The following HEATR4 variants were observed in gnomAD, a reference collection of about 807,000 sequenced individuals.
HEATR4 encodes the protein HEAT repeat containing 4, also known as HEAT repeat-containing protein 4.
HEATR4 carries 95 observed loss-of-function variants against 108.8 expected under a neutral mutation model. That is an observed-to-expected ratio of 0.87 (90% CI 0.74 to 1.04). The LOEUF (loss-of-function observed/expected upper bound fraction) is 1.04, where lower values mean the gene tolerates loss of function less well. Ranked by LOEUF, HEATR4 falls within the 50% of genes least tolerant of loss-of-function variation. The pLI is 0.00. For synonymous variants in HEATR4, 443 were observed against 459.4 expected (o/e 0.96, Z 0.46); for missense variants, 1,152 against 1,253.8 (o/e 0.92, Z 1.23).
At chr14:73,570,654 T>C in the HEATR4 span, among the ~76,000 whole-genome samples, 1 of 151,966 alleles carries the variant, frequency 6.6e-6, no homozygotes, top group Admixed American at 6.6e-5. Flanking sequence ...CCTGTAATCC[T>C]AGCGCTTTGG....
Position 73,495,349 on chromosome 14 carries a change from T to C in HEATR4, c.2664A>G (p.Lys888=), listed in dbSNP as rs772327849. ...TLSQKDLLTH[K]ILKLEMVMGK... is the part of the protein sequence containing the mutation. ...CCATGACCATCTCCAGCTTGAGTAT[T>C]TTGTGTGTCAGCAAGTCCTTTTGGC... Residue 888 remains lysine, a synonymous_variant, in exon 16 of 18, where the codon AAA becomes AAG. Transcript: ENST00000553558. 1.9e-6 allele frequency: 3 copies of C among 1,614,052 alleles called. No homozygotes were observed. Among genetic ancestry groups the C allele is most frequent in the Non-Finnish European group, 1.7e-6 (2 of 1,179,958 alleles).
At chr14:73,499,685 ATG>A (rs1886321243) in intron 12 of HEATR4, among the ~76,000 whole-genome samples, 3 of 152,142 alleles carry the variant, frequency 2.0e-5, no homozygotes, top group African/African-American at 7.2e-5. Context: ...CTGGGGCCAT[ATG>A]GCTTCTCTTG....
intron 9 of HEATR4, among the ~76,000 whole-genome samples, chr14:73,506,804 GTT>G (rs34660727): frequency 0.039 from 3,143 of 80,438 alleles, 111 homozygotes; most frequent in Non-Finnish European, 0.05. Context: ...GACTTTAACT[GTT>G]TTTTTTTTTT....
intron 2 of HEATR4, among the ~76,000 whole-genome samples, chr14:73,526,935 G>A (rs1189014881): frequency 6.6e-6 from 1 of 152,180 alleles, no homozygotes; most frequent in Non-Finnish European, 1.5e-5. Flanking sequence ...ACAGCCCAGT[G>A]GGGAGAGAGA....
At chr14:73,598,367 G>C in the HEATR4 span, among the ~76,000 whole-genome samples, 1 of 150,414 alleles carries the variant, frequency 6.6e-6, no homozygotes, top group African/African-American at 2.4e-5. Context: ...TCCAGCCTGG[G>C]CGACAGAGCA....
chr14:73,593,812 T>G, the HEATR4 span: 1 of 1,073,120 alleles, frequency 9.3e-7, no homozygotes, highest in Non-Finnish European at 1.4e-6. Flanking sequence ...GGCTCTAGCT[T>G]ATTATAACTT....
intron 9 of HEATR4, 28 bp from the exon 10 acceptor site, chr14:73,506,599 A>G (rs1165397595): frequency 4.0e-6 from 6 of 1,513,222 alleles, no homozygotes; most frequent in Non-Finnish European, 5.5e-6. Context: ...TTGTATGGAT[A>G]TTCACAATCA....
Position 73,523,468 on chromosome 14 carries a change from C to G in HEATR4, c.-72-244G>C, listed in dbSNP as rs1340250135. On this transcript the variant is annotated intron_variant, in intron 2 of 17. Coordinates refer to ENST00000553558, the MANE Select transcript of HEATR4 (RefSeq NM_001220484.1). ...ACCCTCATCTCCGTGTGAGGGATGA[C>G]TGCTTTTCAGCAGTATCCCATGCTT... Among the ~76,000 whole-genome samples, 3 of 152,366 alleles carry G rather than the reference C, an allele frequency of 2.0e-5. No individual in the cohort carries two copies. In the East Asian group the frequency reaches 5.8e-4, roughly 29 times the overall value.
the HEATR4 span, chr14:73,619,763 A>ATGCCTGGCATCTATT: frequency 1.1e-5 from 18 of 1,610,772 alleles, no homozygotes; most frequent in African/African-American, 2.3e-4. Context: ...GCACAGGTAG[A>ATGCCTGGCATCTATT]TGCCTGGCAG....
At chr14:73,618,672 G>A in the HEATR4 span, among the ~76,000 whole-genome samples, 13 of 152,272 alleles carry the variant, frequency 8.5e-5, no homozygotes, top group East Asian at 2.5e-3. Context: ...TTATAATTTT[G>A]AAATATTTAG....
chr14:73,505,341 T>A (rs1886740379), intron 10 of HEATR4, among the ~76,000 whole-genome samples: 1 of 152,196 alleles, frequency 6.6e-6, no homozygotes. Context: ...GTCTTATTGT[T>A]CCTACCATAG....
chr14:73,607,384 C>T, the HEATR4 span, among the ~76,000 whole-genome samples: 1 of 152,152 alleles, frequency 6.6e-6, no homozygotes, highest in African/African-American at 2.4e-5. Context: ...GTGGCTGGGA[C>T]ACAGGGCACC....
At chr14:73,593,915 T>A in the HEATR4 span, 5 of 1,600,610 alleles carry the variant, frequency 3.1e-6, no homozygotes, top group Middle Eastern at 1.7e-4. Flanking sequence ...GTTCTCCTCA[T>A]GTCCTTTATT....
At chr14:73,559,207 C>T (rs371505878), upstream of HEATR4, among the ~76,000 whole-genome samples, 10 of 151,940 alleles carry the variant, frequency 6.6e-5, no homozygotes, top group South Asian at 1.9e-3. Flanking sequence ...GATCTCGGCT[C>T]ACTGCAACCT....
At chr14:73,593,524 G>A in the HEATR4 span, among the ~76,000 whole-genome samples, 7 of 151,100 alleles carry the variant, frequency 4.6e-5, no homozygotes, top group Admixed American at 2.0e-4. Flanking sequence ...AAAAAAGATT[G>A]TAGAGATGGG....
intron 1 of HEATR4, among the ~76,000 whole-genome samples, chr14:73,538,211 C>T (rs1353356589): frequency 1.8e-5 from 2 of 114,216 alleles, no homozygotes; most frequent in Non-Finnish European, 3.8e-5. Context: ...TAGCTTCCAA[C>T]ATTCCGGAGG....
the HEATR4 span, among the ~76,000 whole-genome samples, chr14:73,597,591 C>CTTTTTTTTTTTTTT: frequency 3.7e-4 from 36 of 98,202 alleles, no homozygotes; most frequent in Non-Finnish European, 5.4e-4. Flanking sequence ...TTTTTCTTTT[C>CTTTTTTTTTTTTTT]TTTTTTTTTT....
upstream of HEATR4, among the ~76,000 whole-genome samples, chr14:73,563,190 C>CTTTT (rs35518531): frequency 6.6e-6 from 1 of 151,666 alleles, no homozygotes; most frequent in Admixed American, 6.6e-5. Context: ...TGTACTGTCT[C>CTTTT]TATTTGTCAG....
At chr14:73,503,462 A>G (rs1261148413) in intron 10 of HEATR4, among the ~76,000 whole-genome samples, 1 of 152,180 alleles carries the variant, frequency 6.6e-6, no homozygotes, top group Non-Finnish European at 1.5e-5. Context: ...CTATAAGTGC[A>G]CTTCTCTCAG....
Sources: allele counts gnomAD v4.1 joint callset (sites outside exome capture counted in the v4.1 genomes callset), GRCh38; gene constraint gnomAD v4.1.1; transcripts MANE v1.5; gene names NCBI Gene and HGNC (gene_info 2026-07-23, HGNC 2026-07-21).